GSE1: variants seen among roughly 807,000 people sequenced by gnomAD.
GSE1 encodes the protein genetic suppressor element 1.
A neutral mutation model predicts 112.6 loss-of-function variants in GSE1; 32 were observed. That is an observed-to-expected ratio of 0.28 (90% confidence interval 0.21 to 0.38). The LOEUF (loss-of-function observed/expected upper bound fraction) is 0.38. GSE1 is among the 10% of genes least tolerant of loss of function. The pLI, the probability that GSE1 is intolerant of heterozygous loss-of-function variation, is 1.00. For synonymous variants in GSE1, 1,115 were observed against 735.6 expected, an observed-to-expected ratio of 1.52 and a Z score of -8.35; for missense variants, 2,348 against 1,699.2, an observed-to-expected ratio of 1.38 and a Z score of -6.71.
At chr16:85,238,184 A>G (rs949959647) in intron 1 of GSE1, among the ~76,000 whole-genome samples, 1 of 152,070 alleles carries the variant, frequency 6.6e-6, no homozygotes, top group Non-Finnish European at 1.5e-5. Context: ...GCGTCCTGCT[A>G]TTGATGTTTT....
intron 2 of GSE1, among the ~76,000 whole-genome samples, chr16:85,372,208 C>G (rs191253304): frequency 6.6e-6 from 1 of 152,242 alleles, no homozygotes; most frequent in East Asian, 1.9e-4. Context: ...AAGAAGGAAC[C>G]CCTGGCGGGC....
chr16:85,661,861 C>T (rs2052462450), intron 9 of GSE1, 96 bp downstream of exon 9: 9 of 1,263,356 alleles, frequency 7.1e-6, no homozygotes, highest in Non-Finnish European at 8.5e-6. Context: ...CCGTCCACTC[C>T]TGCTTTTTGC....
chr16:85,630,414 A>C (rs984682225), intron 1 of GSE1, among the ~76,000 whole-genome samples: 1 of 152,176 alleles, frequency 6.6e-6, no homozygotes, highest in African/African-American at 2.4e-5. Flanking sequence ...GTGTGATCAT[A>C]GCTCACTGTA....
intron 2 of GSE1, among the ~76,000 whole-genome samples, chr16:85,430,330 C>T (rs1311504919): frequency 2.0e-5 from 3 of 152,158 alleles, no homozygotes; most frequent in African/African-American, 4.8e-5. Flanking sequence ...TGATAATGGC[C>T]GGACACCCAG....
chr16:85,485,595 C>T (rs57771439), intron 2 of GSE1, among the ~76,000 whole-genome samples: 6 of 152,266 alleles, frequency 3.9e-5, no homozygotes, highest in Admixed American at 3.3e-4. Context: ...TGGATTACAG[C>T]TAATGAGCCT....
At chr16:85,258,147 A>C (rs950629811) in intron 1 of GSE1, among the ~76,000 whole-genome samples, 1 of 152,232 alleles carries the variant, frequency 6.6e-6, no homozygotes, top group Non-Finnish European at 1.5e-5. Context: ...CTAGAAGGCC[A>C]GCAGGCAGCA....
At chr16:85,596,379 A>G (rs1459431573) in intron 1 of GSE1, among the ~76,000 whole-genome samples, 13 of 151,830 alleles carry the variant, frequency 8.6e-5, no homozygotes, top group Admixed American at 8.5e-4. Context: ...TTTCAGAGAG[A>G]CTCCCATGAC....
intron 2 of GSE1, among the ~76,000 whole-genome samples, chr16:85,508,158 C>T (rs774050236): frequency 2.6e-5 from 4 of 152,158 alleles, no homozygotes; most frequent in Non-Finnish European, 4.4e-5. Flanking sequence ...CTCAGCCTCC[C>T]GAGTAGCTGG....
At chr16:85,317,332 C>G (rs1178295600) in intron 1 of GSE1, among the ~76,000 whole-genome samples, 1 of 152,166 alleles carries the variant, frequency 6.6e-6, no homozygotes, top group African/African-American at 2.4e-5. Context: ...GTCGATAGCC[C>G]TCCTTCTCCT....
chr16:85,259,179 G>A (rs1015146879), intron 1 of GSE1, among the ~76,000 whole-genome samples: 7 of 152,218 alleles, frequency 4.6e-5, no homozygotes, highest in South Asian at 2.1e-4. Flanking sequence ...CACCAGGGGC[G>A]GGGGCTCGTG....
At chr16:85,602,797 A>C (rs1360462839) in intron 1 of GSE1, among the ~76,000 whole-genome samples, 1 of 152,226 alleles carries the variant, frequency 6.6e-6, no homozygotes, top group Non-Finnish European at 1.5e-5. Flanking sequence ...GTCCAGGCTC[A>C]GCAGGTGGAA....
chr16:85,357,539 C>T, exon 2 of GSE1: 2 of 1,282,396 alleles, frequency 1.6e-6, no homozygotes, highest in Non-Finnish European at 2.0e-6. Context: ...CCACGCGCCC[C>T]CACGGAGACC....
At chr16:85,517,843 G>A (rs1230551781) in intron 2 of GSE1, among the ~76,000 whole-genome samples, 3 of 152,276 alleles carry the variant, frequency 2.0e-5, no homozygotes, top group East Asian at 1.9e-4. Flanking sequence ...AGGCTCCGCC[G>A]TGAAGAACGA....
chr16:85,236,348 C>A (rs1230873713), intron 1 of GSE1, among the ~76,000 whole-genome samples: 1 of 152,214 alleles, frequency 6.6e-6, no homozygotes, highest in Non-Finnish European at 1.5e-5. Context: ...GTGGTCAAGT[C>A]CACAGAGCTT....
intron 1 of GSE1, among the ~76,000 whole-genome samples, chr16:85,263,353 A>C (rs947962599): frequency 1.3e-5 from 2 of 151,896 alleles, no homozygotes; most frequent in Non-Finnish European, 2.9e-5. Context: ...GCCCCCAGAG[A>C]GCCGGGGAAT....
intron 1 of GSE1, among the ~76,000 whole-genome samples, chr16:85,184,601 A>G (rs1387321969): frequency 6.6e-6 from 1 of 152,202 alleles, no homozygotes; most frequent in Non-Finnish European, 1.5e-5. Flanking sequence ...AAAGCTATGC[A>G]TGTTCCTCTA....
intron 2 of GSE1, among the ~76,000 whole-genome samples, chr16:85,640,778 G>A (rs765427176): frequency 2.0e-5 from 3 of 152,256 alleles, no homozygotes; most frequent in Non-Finnish European, 2.9e-5. Flanking sequence ...CCTGGCAGGC[G>A]CGCCTCGCGT....
Position 85,464,615 on chromosome 16 carries a change from T to C in GSE1, c.2464+106972T>C, listed in dbSNP as rs552406265. On this transcript the variant is annotated intron_variant, in intron 2 of 2. Transcript: ENST00000637419. ...TGGTCATGCCGGTTGCACAGGGTAC[T>C]CACGAAGCCTCGGGAATGTGCCACC... 2.0e-5 allele frequency among the ~76,000 whole-genome samples: 3 copies of C among 152,330 alleles called. No individual in the cohort carries two copies. In the South Asian group the frequency reaches 6.2e-4, roughly 32 times the overall value.
At chr16:85,630,160 G>A (rs1048989849) in intron 1 of GSE1, among the ~76,000 whole-genome samples, 5 of 152,102 alleles carry the variant, frequency 3.3e-5, no homozygotes, top group South Asian at 2.1e-4. Flanking sequence ...CTCATGATAC[G>A]GCAGCTGACC....
Sources: allele counts gnomAD v4.1 joint callset (sites outside exome capture counted in the v4.1 genomes callset), GRCh38; gene constraint gnomAD v4.1.1; transcripts MANE v1.5; gene names NCBI Gene and HGNC (gene_info 2026-07-23, HGNC 2026-07-21).